The following FRMD4A variants were observed in gnomAD, a reference collection of about 807,000 sequenced individuals.
FRMD4A encodes the protein FERM domain-containing protein 4A.
A neutral mutation model predicts 129.1 loss-of-function variants in FRMD4A; 29 were observed. The ratio of observed to expected loss-of-function variants is 0.22; its 90% CI spans 0.17 to 0.31. FRMD4A has a LOEUF of 0.31. FRMD4A is among the 10% of genes least tolerant of loss of function. FRMD4A has a pLI of 1.00. For synonymous variants in FRMD4A, 634 were observed against 571.6 expected (o/e 1.11, Z -1.56); for missense variants, 1,272 against 1,375.8 (o/e 0.92, Z 1.19).
intron 2 of FRMD4A, among the ~76,000 whole-genome samples, chr10:14,057,868 C>T (rs1041410361): frequency 1.3e-5 from 2 of 152,234 alleles, no homozygotes; most frequent in African/African-American, 4.8e-5. Flanking sequence ...CAACACCTGG[C>T]CTACAATCTT....
At chr10:13,734,638 G>C (rs12778421) in intron 12 of FRMD4A, among the ~76,000 whole-genome samples, 2 of 128,616 alleles carry the variant, frequency 1.6e-5, no homozygotes, top group African/African-American at 5.5e-5. Flanking sequence ...TTCCTCTGTG[G>C]GGACTTCTCT....
chr10:14,040,205 T>C (rs1050517443), intron 2 of FRMD4A, among the ~76,000 whole-genome samples: 1 of 151,994 alleles, frequency 6.6e-6, no homozygotes, highest in Admixed American at 6.5e-5. Context: ...CCGGGGTCAG[T>C]GATAATCACT....
chr10:13,867,946 T>C (rs1021523335), intron 2 of FRMD4A, among the ~76,000 whole-genome samples: 2 of 143,580 alleles, frequency 1.4e-5, no homozygotes, highest in African/African-American at 5.1e-5. Context: ...ATATAATAAA[T>C]ACTATATATG....
chr10:14,241,619 G>A (rs149707965), intron 2 of FRMD4A, among the ~76,000 whole-genome samples: 5 of 128,506 alleles, frequency 3.9e-5, no homozygotes, highest in East Asian at 2.5e-4. Flanking sequence ...AGCCAATACC[G>A]AATTCCACAG....
chr10:14,155,379 G>A (rs1250229483), intron 2 of FRMD4A, among the ~76,000 whole-genome samples: 2 of 152,178 alleles, frequency 1.3e-5, no homozygotes, highest in Non-Finnish European at 2.9e-5. Flanking sequence ...GTACTGGTAA[G>A]AGTCACCTTG....
intron 2 of FRMD4A, among the ~76,000 whole-genome samples, chr10:13,991,255 G>T (rs2095602226): frequency 6.6e-6 from 1 of 152,202 alleles, no homozygotes; most frequent in Non-Finnish European, 1.5e-5. Context: ...CAAAAAGGAG[G>T]CTTCCAACAT....
At chr10:13,750,077 A>AAAGAAATG (rs2091507400) in intron 8 of FRMD4A, among the ~76,000 whole-genome samples, 1 of 73,754 alleles carries the variant, frequency 1.4e-5, no homozygotes, top group African/African-American at 4.6e-5. Flanking sequence ...AGGAAGAAAG[A>AAAGAAATG]AAGAAAGAAA....
At chr10:13,970,986 G>C (rs988518216) in intron 2 of FRMD4A, among the ~76,000 whole-genome samples, 2 of 152,196 alleles carry the variant, frequency 1.3e-5, no homozygotes, top group African/African-American at 4.8e-5. Context: ...AGGAGGCTCA[G>C]TGTTGGTGCC....
chr10:13,930,711 T>C (rs2095184683), intron 2 of FRMD4A, among the ~76,000 whole-genome samples: 2 of 152,188 alleles, frequency 1.3e-5, no homozygotes, highest in South Asian at 2.1e-4. Context: ...TAAATAGGAA[T>C]ATAACAGTGT....
intron 19 of FRMD4A, among the ~76,000 whole-genome samples, chr10:13,662,590 G>A (rs1419895887): frequency 6.6e-6 from 1 of 152,172 alleles, no homozygotes; most frequent in African/African-American, 2.4e-5. Context: ...GGTGGTGATG[G>A]GGGTTGGGGG....
chr10:14,125,760 C>T (rs541673440), intron 2 of FRMD4A, among the ~76,000 whole-genome samples: 1,621 of 152,218 alleles, frequency 0.011, 22 homozygotes, highest in African/African-American at 0.036. Context: ...CATGCGCACG[C>T]GCACACATAC....
intron 2 of FRMD4A, among the ~76,000 whole-genome samples, chr10:14,305,004 C>T (rs1846302503): frequency 6.6e-6 from 1 of 152,186 alleles, no homozygotes; most frequent in Admixed American, 6.5e-5. Flanking sequence ...CCCCACTTCC[C>T]TACAAGTGTT....
intron 2 of FRMD4A, chr10:14,326,582 T>A (rs1041165200): frequency 3.1e-5 from 11 of 355,224 alleles, no homozygotes; most frequent in Non-Finnish European, 5.5e-5. Context: ...TAATTTCCAT[T>A]AAAAACTATT....
intron 2 of FRMD4A, among the ~76,000 whole-genome samples, chr10:13,934,154 G>A (rs1366046841): frequency 1.3e-5 from 2 of 152,168 alleles, no homozygotes; most frequent in Non-Finnish European, 2.9e-5. Flanking sequence ...AGGGTGGTGA[G>A]GAACATAGAA....
At chr10:13,765,642 C>G (rs2092261821) in intron 6 of FRMD4A, among the ~76,000 whole-genome samples, 1 of 152,090 alleles carries the variant, frequency 6.6e-6, no homozygotes, top group South Asian at 2.1e-4. Flanking sequence ...GACAATAATT[C>G]CTTACGTTTA....
At chr10:14,291,145 G>A (rs1462518711) in intron 2 of FRMD4A, among the ~76,000 whole-genome samples, 1 of 152,094 alleles carries the variant, frequency 6.6e-6, no homozygotes, top group East Asian at 1.9e-4. Flanking sequence ...AAGATAGAAA[G>A]AATGAAGAAC....
intron 2 of FRMD4A, among the ~76,000 whole-genome samples, chr10:14,062,012 C>T (rs896511229): frequency 4.7e-5 from 7 of 148,250 alleles, no homozygotes; most frequent in Admixed American, 3.4e-4. Flanking sequence ...TAAATCAAAA[C>T]TCAAAATGTG....
intron 2 of FRMD4A, among the ~76,000 whole-genome samples, chr10:14,189,492 A>T (rs1244349660): frequency 2.0e-5 from 3 of 152,000 alleles, no homozygotes; most frequent in African/African-American, 7.2e-5. Context: ...GAGAATTGCT[A>T]GAACCTGGGA....
At chr10:13,985,635 C>T (rs527797156) in intron 2 of FRMD4A, among the ~76,000 whole-genome samples, 25 of 152,348 alleles carry the variant, frequency 1.6e-4, no homozygotes, top group Admixed American at 7.2e-4. Context: ...AACCATGTCG[C>T]AGCCCTGGCA....
Sources: gnomAD v4.1 joint callset for allele counts (sites outside exome capture counted in the v4.1 genomes callset) on GRCh38, gnomAD v4.1.1 for gene constraint, MANE v1.5 for transcripts, NCBI Gene and HGNC (gene_info 2026-07-23, HGNC 2026-07-21) for gene names.